Variants in RBFOX3 observed in about 807,000 individuals in gnomAD.
RBFOX3 encodes the protein RNA binding fox-1 homolog 3.
Under a neutral mutation model 48.7 loss-of-function variants are expected in RBFOX3, and 17 were observed. The ratio of observed to expected loss-of-function variants is 0.35; its 90% CI spans 0.24 to 0.52. The LOEUF (loss-of-function observed/expected upper bound fraction) is 0.52. Ranked by LOEUF, RBFOX3 falls within the 20% of genes least tolerant of loss-of-function variation. RBFOX3 has a pLI of 0.94. For synonymous variants in RBFOX3, 212 were observed against 209.5 expected, an observed-to-expected ratio of 1.01 and a Z score of -0.10; for missense variants, 382 against 497.5, an observed-to-expected ratio of 0.77 and a Z score of 2.21.
Position 79,418,088 on chromosome 17 carries a change from G to A in RBFOX3, c.-175+64366C>T, listed in dbSNP as rs1406635230. ...TAGGAAGGGGGCTTCGTGTTTCCTG[G>A]GGACAGAGCTTCAGGTTAGAAAGAT... On this transcript the variant is annotated intron_variant, in intron 2 of 14. Coordinates refer to ENST00000693108, the MANE Select transcript of RBFOX3 (RefSeq NM_001350451.2). This position sits in a 1 kb window ranked among gnomAD's most constrained non-coding sequence, Gnocchi z 5.0. Among the ~76,000 whole-genome samples the A allele has an allele frequency of 1.3e-5, 2 of 152,174 alleles. No individual in the cohort carries two copies. Among genetic ancestry groups the A allele is most frequent in the African/African-American group, 2.4e-5 (1 of 41,438 alleles).
chr17:79,459,711 C>G (rs894420879), intron 2 of RBFOX3, among the ~76,000 whole-genome samples: 1 of 152,108 alleles, frequency 6.6e-6, no homozygotes, highest in African/African-American at 2.4e-5. Flanking sequence ...TATTGGAACA[C>G]ACCTGTTCCT....
At chr17:79,487,019 C>T (rs976300728) in intron 1 of RBFOX3, among the ~76,000 whole-genome samples, 1 of 152,144 alleles carries the variant, frequency 6.6e-6, no homozygotes, top group East Asian at 1.9e-4. Context: ...ATAAAGTGTC[C>T]TCTATCAAAA....
At chr17:79,338,001 C>G (rs545457516) in intron 2 of RBFOX3, among the ~76,000 whole-genome samples, 1 of 151,016 alleles carries the variant, frequency 6.6e-6, no homozygotes, top group African/African-American at 2.4e-5. Flanking sequence ...CGCAGTGGCG[C>G]GATCTCGGCT....
At chr17:79,464,560 C>T (rs1027619178) in intron 2 of RBFOX3, among the ~76,000 whole-genome samples, 3 of 152,188 alleles carry the variant, frequency 2.0e-5, no homozygotes, top group Non-Finnish European at 4.4e-5. Flanking sequence ...GTGATGCAGA[C>T]GCCGGGGGGA....
At chr17:79,250,002 C>T (rs1338314617) in intron 3 of RBFOX3, among the ~76,000 whole-genome samples, 4 of 152,160 alleles carry the variant, frequency 2.6e-5, no homozygotes, top group South Asian at 4.1e-4. Flanking sequence ...AGGATGAAAC[C>T]GTAATGCTTC....
intron 1 of RBFOX3, among the ~76,000 whole-genome samples, chr17:79,583,557 C>A (rs1016231090): frequency 6.8e-4 from 104 of 152,234 alleles, no homozygotes; most frequent in African/African-American, 2.5e-3. Context: ...TTGAGCTGAG[C>A]TCTGAAGACT....
chr17:79,295,613 C>T (rs1399443724), intron 3 of RBFOX3, among the ~76,000 whole-genome samples: 1 of 152,182 alleles, frequency 6.6e-6, no homozygotes, highest in African/African-American at 2.4e-5. Context: ...TGTTGGCTTA[C>T]ATTTTGTTTG....
At chr17:79,314,001 G>C (rs2077198643) in intron 2 of RBFOX3, among the ~76,000 whole-genome samples, 1 of 152,208 alleles carries the variant, frequency 6.6e-6, no homozygotes, top group African/African-American at 2.4e-5. Context: ...TGGCCTGGGG[G>C]CTCAGGTAGC....
At chr17:79,269,337 T>C (rs866878002) in intron 3 of RBFOX3, among the ~76,000 whole-genome samples, 4 of 152,144 alleles carry the variant, frequency 2.6e-5, no homozygotes, top group African/African-American at 7.2e-5. Flanking sequence ...ATTTCTGCTG[T>C]TGAAGCTGGG....
At chr17:79,475,790 A>T (rs2149418693) in intron 2 of RBFOX3, among the ~76,000 whole-genome samples, 1 of 152,328 alleles carries the variant, frequency 6.6e-6, no homozygotes, top group South Asian at 2.1e-4. Flanking sequence ...CTGACAGTGC[A>T]TCTATAAGCC....
At position 79,228,564 on chromosome 17, in the gene RBFOX3, T is replaced by A. The variant is rs117143806; in HGVS notation, c.-34+7202A>T. On this transcript the variant is annotated intron_variant, in intron 4 of 14. Coordinates refer to ENST00000693108, the MANE Select transcript of RBFOX3 (RefSeq NM_001350451.2). ...GCACAAAACCACCCAACTGGATACA[T>A]CCAGAAAGCCAAGGGAGGCACCAGG... Among the ~76,000 whole-genome samples the A allele has an allele frequency of 8.1e-3, 1,230 of 152,266 alleles. 8 individuals are homozygous for A. Among genetic ancestry groups the A allele is most frequent in the Middle Eastern group, 0.02 (6 of 294 alleles).
intron 2 of RBFOX3, among the ~76,000 whole-genome samples, chr17:79,371,120 C>T (rs2058483906): frequency 6.6e-6 from 1 of 152,246 alleles, no homozygotes; most frequent in Admixed American, 6.5e-5. Context: ...CCTGGGCCAC[C>T]TGCTCTGCAC....
At chr17:79,572,710 C>CGGTTTGCAA (rs1408514836) in intron 1 of RBFOX3, among the ~76,000 whole-genome samples, 7 of 152,334 alleles carry the variant, frequency 4.6e-5, no homozygotes, top group African/African-American at 1.2e-4. Context: ...TGGCCTACAG[C>CGGTTTGCAA]GGTTTGCAAA....
At chr17:79,309,972 G>A (rs564928973) in intron 2 of RBFOX3, among the ~76,000 whole-genome samples, 1 of 152,160 alleles carries the variant, frequency 6.6e-6, no homozygotes, top group Non-Finnish European at 1.5e-5. Context: ...ATAAAGTAGT[G>A]CCATCATTGT....
intron 5 of RBFOX3, among the ~76,000 whole-genome samples, chr17:79,113,122 G>A (rs1251514337): frequency 6.6e-6 from 1 of 152,090 alleles, no homozygotes; most frequent in African/African-American, 2.4e-5. Context: ...GGGGAGGCTC[G>A]AGTGAGCTGA....
At chr17:79,105,142 C>T (rs1476739294) in intron 6 of RBFOX3, among the ~76,000 whole-genome samples, 1 of 152,230 alleles carries the variant, frequency 6.6e-6, no homozygotes, top group Non-Finnish European at 1.5e-5. Flanking sequence ...CACCTCCACA[C>T]AGTCCTGGAG....
At chr17:79,155,599 G>C (rs925549404) in intron 4 of RBFOX3, among the ~76,000 whole-genome samples, 1 of 152,216 alleles carries the variant, frequency 6.6e-6, no homozygotes, top group Admixed American at 6.5e-5. Flanking sequence ...GGGCAGGGGG[G>C]TCTCAGGGTG....
chr17:79,425,810 T>G (rs2067254038), intron 2 of RBFOX3, among the ~76,000 whole-genome samples: 1 of 147,772 alleles, frequency 6.8e-6, no homozygotes, highest in African/African-American at 2.5e-5. Flanking sequence ...GCAGTGGAGA[T>G]GGGGAGGGCA....
rs767968840 is a variant in RBFOX3, at chr17:79,362,989, C to T, written c.-174-55165G>A. ...CCTCTAGGGTTGGAGCGGGGTAAGC[C>T]CCAGAATATCTCACAAGCCAGAGTA... On this transcript the variant is annotated intron_variant, in intron 2 of 14. Transcript: ENST00000693108. This position sits in a 1 kb window ranked among gnomAD's most constrained non-coding sequence, Gnocchi z 4.2. 1.3e-5 allele frequency among the ~76,000 whole-genome samples: 2 copies of T among 152,142 alleles called. No individual in the cohort carries two copies. The highest frequency in any genetic ancestry group is 2.9e-5 in the Non-Finnish European group (2 of 68,024).
Sources: gnomAD v4.1 joint callset for allele counts (sites outside exome capture counted in the v4.1 genomes callset) on GRCh38, gnomAD v4.1.1 for gene constraint, Gnocchi (gnomAD v3.1) non-coding constraint, MANE v1.5 for transcripts, NCBI Gene and HGNC (gene_info 2026-07-23, HGNC 2026-07-21) for gene names.